The following VTA1 variants were observed in gnomAD, a reference collection of about 807,000 sequenced individuals.
VTA1 encodes vacuolar protein sorting-associated protein VTA1 homolog.
VTA1 carries 24 observed loss-of-function variants against 36.9 expected under a neutral mutation model. The ratio of observed to expected loss-of-function variants is 0.65; its 90% CI spans 0.47 to 0.91. VTA1 has a LOEUF of 0.91. Among genes scored for constraint, VTA1 ranks in the 40% least tolerant of loss-of-function variants. The pLI, the probability that VTA1 is intolerant of heterozygous loss-of-function variation, is 0.00. For synonymous variants in VTA1, 142 were observed against 130.2 expected, an observed-to-expected ratio of 1.09 and a Z score of -0.62; for missense variants, 393 against 377.2, an observed-to-expected ratio of 1.04 and a Z score of -0.35.
At position 142,221,081 on chromosome 6, in the gene VTA1, T is replaced by A. The variant is rs1775064117; in HGVS notation, c.*2438T>A. On this transcript the variant is annotated 3_prime_UTR_variant, in exon 8 of 8. Transcript: ENST00000367630. ...CTTAAGGTGGTCCCTAAAGTTCGAG[T>A]GGTTTAGCTCTACCCAAATCAGAAA... 1 of 152,046 alleles carries A rather than the reference T, an allele frequency of 6.6e-6. No individual in the cohort carries two copies. Among genetic ancestry groups the A allele is most frequent in the Admixed American group, 6.6e-5 (1 of 15,258 alleles). 9.4% of individuals were successfully genotyped at this position (152,046 alleles called of 1,614,324 possible).
chr6:142,187,912 C>CTTTTTTTTTT (rs58131768), intron 4 of VTA1, among the ~76,000 whole-genome samples: 4 of 120,680 alleles, frequency 3.3e-5, no homozygotes, highest in African/African-American at 6.3e-5. Context: ...TACTTTCTTT[C>CTTTTTTTTTT]TTTTTTTTTT....
chr6:142,186,809 G>A (rs1409528842), intron 4 of VTA1, among the ~76,000 whole-genome samples: 1 of 151,964 alleles, frequency 6.6e-6, no homozygotes, highest in African/African-American at 2.4e-5. Context: ...GCTATGGGAA[G>A]GCATATGAAG....
intron 3 of VTA1, 47 bp downstream of exon 3, chr6:142,169,724 T>A (rs1774993333): frequency 6.9e-7 from 1 of 1,445,636 alleles, no homozygotes; most frequent in Non-Finnish European, 9.1e-7. Flanking sequence ...TTTGTAACTG[T>A]ATAACCAAAA....
chr6:142,190,838 A>G (rs2114666436), intron 5 of VTA1, among the ~76,000 whole-genome samples: 1 of 152,338 alleles, frequency 6.6e-6, no homozygotes, highest in Admixed American at 6.5e-5. Flanking sequence ...AGCCATAGAT[A>G]ATATGTAAAA....
At position 142,219,980 on chromosome 6, in the gene VTA1, A is replaced by C. The variant is rs1776076092; in HGVS notation, c.*1337A>C. The C allele has an allele frequency of 6.6e-6, 1 of 152,228 alleles. No individual in the cohort carries two copies. The highest frequency in any genetic ancestry group is 1.5e-5 in the Non-Finnish European group (1 of 68,036). The allele number at this position is 152,228 out of a possible 1,614,324, so 9.4% of individuals were successfully genotyped here. A position where few individuals can be genotyped will look rare whatever the true frequency, so the allele number is the denominator to read the frequency against. ...TATTTGGCCCTCTAAGAAAAAGTTA[A>C]GACACCTAGTCTAATGGCCTTTTGG... On this transcript the variant is annotated 3_prime_UTR_variant, in exon 8 of 8. Transcript: ENST00000367630.
At chr6:142,162,533 T>G (rs1432437651) in intron 1 of VTA1, among the ~76,000 whole-genome samples, 3 of 152,186 alleles carry the variant, frequency 2.0e-5, no homozygotes, top group Non-Finnish European at 4.4e-5. Flanking sequence ...TCTTCGAGAT[T>G]AAAGTGTGTT....
chr6:142,149,349 GCAGA>G (rs1246311559), intron 1 of VTA1, among the ~76,000 whole-genome samples: 15 of 152,242 alleles, frequency 9.9e-5, no homozygotes, highest in Admixed American at 3.9e-4. Flanking sequence ...TATGTAATGT[GCAGA>G]CAGTTTAAGG....
chr6:142,184,991 G>C (rs1775311967), intron 4 of VTA1, among the ~76,000 whole-genome samples: 1 of 151,952 alleles, frequency 6.6e-6, no homozygotes, highest in African/African-American at 2.4e-5. Flanking sequence ...ATGGCATATT[G>C]GTTTATTTAT....
chr6:142,165,589 G>A (rs1048238588), intron 1 of VTA1, among the ~76,000 whole-genome samples: 47 of 152,158 alleles, frequency 3.1e-4, no homozygotes, highest in African/African-American at 1.1e-3. Flanking sequence ...ATTGTTGAAT[G>A]TAAGGGGTAA....
chr6:142,166,176 A>G lies in VTA1; in HGVS notation c.113-52A>G. On this transcript the variant is annotated intron_variant, in intron 1 of 7. Coordinates refer to ENST00000367630, the MANE Select transcript of VTA1 (RefSeq NM_016485.5). Reference sequence around the variant, plus strand: ...GCAATTATATTTTAAACACTCATAAACATGGATGTTTAAAAATGAAATTGT... The same window carrying G: ...GCAATTATATTTTAAACACTCATAAGCATGGATGTTTAAAAATGAAATTGT... 6 of 1,291,462 alleles carry G rather than the reference A, an allele frequency of 4.6e-6. 1 individual carries two copies. In the South Asian group the frequency reaches 8.1e-5, roughly 17 times the overall value. 80.0% of individuals were successfully genotyped at this position (1,291,462 alleles called of 1,614,324 possible). A position where few individuals can be genotyped will look rare whatever the true frequency, so the allele number is the denominator to read the frequency against.
intron 7 of VTA1, among the ~76,000 whole-genome samples, chr6:142,209,661 AG>A (rs1775862217): frequency 6.6e-6 from 1 of 151,592 alleles, no homozygotes; most frequent in Non-Finnish European, 1.5e-5. Flanking sequence ...ATCTAACTAA[AG>A]AAGTTAGTTA....
chr6:142,222,880 G>C lies in VTA1; in HGVS notation c.*4237G>C, dbSNP rs948723578. 1 of 152,180 alleles carries C rather than the reference G, an allele frequency of 6.6e-6. No homozygotes were observed. Among genetic ancestry groups the C allele is most frequent in the Non-Finnish European group, 1.5e-5 (1 of 68,022 alleles). The allele number at this position is 152,180 out of a possible 1,614,324, so 9.4% of individuals were successfully genotyped here. A position where few individuals can be genotyped will look rare whatever the true frequency, so the allele number is the denominator to read the frequency against. On this transcript the variant is annotated 3_prime_UTR_variant, in exon 8 of 8. Transcript: ENST00000367630. Reference sequence around the variant, plus strand: ...TATATTAATTCATTTAATCTTCACAGTGGTCCTGAGAGGTAGGCTTTATTT... The same window carrying C: ...TATATTAATTCATTTAATCTTCACACTGGTCCTGAGAGGTAGGCTTTATTT...
At chr6:142,168,038 T>C (rs1164186874) in intron 2 of VTA1, among the ~76,000 whole-genome samples, 1 of 152,230 alleles carries the variant, frequency 6.6e-6, no homozygotes, top group Non-Finnish European at 1.5e-5. Flanking sequence ...AATTTATCAC[T>C]ATCTGCATTA....
chr6:142,177,200 G>C (rs1475950614), intron 4 of VTA1, among the ~76,000 whole-genome samples: 1 of 152,142 alleles, frequency 6.6e-6, no homozygotes, highest in Non-Finnish European at 1.5e-5. Context: ...GTACTCACTT[G>C]TATGATAATT....
intron 4 of VTA1, among the ~76,000 whole-genome samples, chr6:142,178,500 C>G (rs1282592629): frequency 6.6e-6 from 1 of 151,894 alleles, no homozygotes; most frequent in Non-Finnish European, 1.5e-5. Flanking sequence ...AAAAGGATAC[C>G]AAGTAGGAAT....
chr6:142,160,908 G>C (rs552612499), intron 1 of VTA1, among the ~76,000 whole-genome samples: 1 of 152,210 alleles, frequency 6.6e-6, no homozygotes, highest in Admixed American at 6.5e-5. Context: ...GAAAAAGCCA[G>C]ATATTCTTAC....
intron 1 of VTA1, among the ~76,000 whole-genome samples, chr6:142,162,648 T>TTAGA (rs1774832959): frequency 6.6e-6 from 1 of 152,154 alleles, no homozygotes; most frequent in East Asian, 1.9e-4. Flanking sequence ...TTCTGCTGCT[T>TTAGA]GGATGCAGAT....
intron 5 of VTA1, among the ~76,000 whole-genome samples, chr6:142,191,984 C>T (rs1046190675): frequency 3.3e-5 from 5 of 151,690 alleles, no homozygotes; most frequent in African/African-American, 1.2e-4. Context: ...CTAGTAAAAC[C>T]GTAGAAAATA....
At chr6:142,215,165 G>A (rs537854100) in intron 7 of VTA1, among the ~76,000 whole-genome samples, 3 of 152,210 alleles carry the variant, frequency 2.0e-5, no homozygotes, top group African/African-American at 7.2e-5. Flanking sequence ...TTGGCCAGGC[G>A]CGGTGGCACA....
Sources: allele counts gnomAD v4.1 joint callset (sites outside exome capture counted in the v4.1 genomes callset), GRCh38; gene constraint gnomAD v4.1.1; transcripts MANE v1.5; gene names NCBI Gene and HGNC (gene_info 2026-07-23, HGNC 2026-07-21).